NEDD4L: variants seen among roughly 807,000 people sequenced by gnomAD.
NEDD4L encodes E3 ubiquitin-protein ligase NEDD4-like.
A neutral mutation model predicts 148.9 loss-of-function variants in NEDD4L; 54 were observed. That is an observed-to-expected ratio of 0.36 (90% CI 0.29 to 0.45). The LOEUF (loss-of-function observed/expected upper bound fraction) is 0.45, where lower values mean the gene tolerates loss of function less well. Among genes scored for constraint, NEDD4L ranks in the 20% least tolerant of loss-of-function variants. NEDD4L has a pLI of 1.00. For synonymous variants in NEDD4L, 433 were observed against 440.7 expected (o/e 0.98, Z 0.22); for missense variants, 856 against 1,233.8 (o/e 0.69, Z 4.59).
intron 1 of NEDD4L, among the ~76,000 whole-genome samples, chr18:58,136,399 CA>C (rs2032853596): frequency 6.6e-6 from 1 of 152,174 alleles, no homozygotes; most frequent in South Asian, 2.1e-4. Flanking sequence ...GTTTTGTTTT[CA>C]AAGTGCCTTC....
intron 5 of NEDD4L, among the ~76,000 whole-genome samples, chr18:58,262,353 G>T (rs965647206): frequency 2.6e-5 from 4 of 152,182 alleles, no homozygotes; most frequent in Admixed American, 1.3e-4. Context: ...TGCTGGCTGG[G>T]CACGGAGGCT....
At position 58,141,397 on chromosome 18, in the gene NEDD4L, A is replaced by G. The variant is rs1302620794; in HGVS notation, c.49-24391A>G. 2.6e-5 allele frequency among the ~76,000 whole-genome samples: 4 copies of G among 152,358 alleles called. No individual in the cohort carries two copies. In the East Asian group the frequency reaches 7.7e-4, roughly 29 times the overall value. Reference sequence around the variant, plus strand: ...TAAAAAAAGTCATTTTGAGTTACAGAATAAAATCAAACAAAATTCCTTTAA... The same window carrying G: ...TAAAAAAAGTCATTTTGAGTTACAGGATAAAATCAAACAAAATTCCTTTAA... On this transcript the variant is annotated intron_variant, in intron 1 of 30. Coordinates refer to ENST00000400345, the MANE Select transcript of NEDD4L (RefSeq NM_001144967.3).
At chr18:58,097,455 T>G (rs115367567) in intron 1 of NEDD4L, among the ~76,000 whole-genome samples, 1,866 of 152,330 alleles carry the variant, frequency 0.012, 39 homozygotes, top group African/African-American at 0.043. Context: ...CTACTTTTAA[T>G]GAGTGAAGGA....
Position 58,322,490 on chromosome 18 carries a change from A to T in NEDD4L, c.410+4A>T. Reference sequence around the variant, plus strand: ...ACTTTCTCCTCAGACCAAGAAGGTGAGGCTTGTGGGTATGGGTGGGTGGGG... The same window carrying T: ...ACTTTCTCCTCAGACCAAGAAGGTGTGGCTTGTGGGTATGGGTGGGTGGGG... On this transcript the variant is annotated splice_donor_region_variant and intron_variant, in intron 7 of 30. Transcript: ENST00000400345. 2 of 677,192 alleles carry T rather than the reference A, an allele frequency of 3.0e-6. No individual in the cohort carries two copies. Among genetic ancestry groups the T allele is most frequent in the Non-Finnish European group, 5.1e-6 (2 of 395,792 alleles). The allele number at this position is 677,192 out of a possible 1,614,324, so 41.9% of individuals were successfully genotyped here.
intron 5 of NEDD4L, among the ~76,000 whole-genome samples, chr18:58,309,848 G>A (rs2057480919): frequency 6.6e-6 from 1 of 152,038 alleles, no homozygotes; most frequent in Non-Finnish European, 1.5e-5. Flanking sequence ...CTCATCCCCT[G>A]ATGTCACAGC....
intron 1 of NEDD4L, among the ~76,000 whole-genome samples, chr18:58,159,106 AG>A: frequency 1.3e-5 from 2 of 152,100 alleles, no homozygotes; most frequent in Non-Finnish European, 2.9e-5. Flanking sequence ...AGAGAGGGAA[AG>A]GTGTAGCGGG....
Position 58,080,908 on chromosome 18 carries a change from A to G in NEDD4L, c.48+36200A>G, listed in dbSNP as rs143428728. 1.8e-3 allele frequency among the ~76,000 whole-genome samples: 273 copies of G among 152,128 alleles called. 1 individual carries two copies. Among genetic ancestry groups the G allele is most frequent in the African/African-American group, 6.2e-3 (258 of 41,496 alleles). ...CTCTTAAGAAAGCAGTTTCACTGGG[A>G]GTGGGGAGAGGTAGAATTGGGAGGT... On this transcript the variant is annotated intron_variant, in intron 1 of 30. Transcript: ENST00000400345.
intron 2 of NEDD4L, among the ~76,000 whole-genome samples, chr18:58,166,617 C>T (rs1599287761): frequency 6.6e-6 from 1 of 152,198 alleles, no homozygotes; most frequent in East Asian, 1.9e-4. Context: ...AAGCTTGAAT[C>T]CAGAAAGGTT....
At chr18:58,153,482 T>C (rs934828712) in intron 1 of NEDD4L, among the ~76,000 whole-genome samples, 6 of 151,096 alleles carry the variant, frequency 4.0e-5, no homozygotes, top group African/African-American at 1.2e-4. Context: ...TGGGATTACA[T>C]GCATGAGCCA....
In NEDD4L at chr18:58,063,598, C is replaced by T. The variant is rs758527416; in HGVS notation, c.48+18890C>T. Reference sequence around the variant, plus strand: ...TTTTTTTTTTTGAGACAGATTCTCACTCTGTCATCCAGGCTGGAGTGCAGT... The same window carrying T: ...TTTTTTTTTTTGAGACAGATTCTCATTCTGTCATCCAGGCTGGAGTGCAGT... On this transcript the variant is annotated intron_variant, in intron 1 of 30. Coordinates refer to ENST00000400345, the MANE Select transcript of NEDD4L (RefSeq NM_001144967.3). Among the ~76,000 whole-genome samples the T allele has an allele frequency of 2.7e-5, 4 of 145,804 alleles. No individual in the cohort carries two copies. In the South Asian group the frequency reaches 6.6e-4, roughly 24 times the overall value.
At chr18:58,313,002 G>A (rs10164107) in intron 5 of NEDD4L, among the ~76,000 whole-genome samples, 4,244 of 152,174 alleles carry the variant, frequency 0.028, 178 homozygotes, top group African/African-American at 0.096. Context: ...AATCGGTGTA[G>A]TGTCCCTAAC....
In NEDD4L at chr18:58,364,476, C is replaced by T. The variant is rs74455414; in HGVS notation, c.1833+143C>T. The T allele has an allele frequency of 3.3e-4, 192 of 589,212 alleles. No homozygotes were observed. In the African/African-American group the frequency reaches 3.3e-3, roughly 10 times the overall value. 36.5% of individuals were successfully genotyped at this position (589,212 alleles called of 1,614,324 possible). On this transcript the variant is annotated intron_variant, in intron 20 of 30. Coordinates refer to ENST00000400345, the MANE Select transcript of NEDD4L (RefSeq NM_001144967.3). ...CTTTTCTCTCTGCACTTTGATCCTC[C>T]TGGTTCTAAAATCTGAATTTTCTTT...
At chr18:58,388,333 T>C (rs972602648) in intron 27 of NEDD4L, 1 of 152,230 alleles carries the variant, frequency 6.6e-6, no homozygotes, top group African/African-American at 2.4e-5. Flanking sequence ...AGAAATCATA[T>C]ACCTCAAGCC....
At chr18:58,165,685 C>G in intron 1 of NEDD4L, 103 bp from the exon 2 acceptor site, 1 of 1,513,842 alleles carries the variant, frequency 6.6e-7, no homozygotes. Context: ...GTTCTGTATC[C>G]CAATACTGGA....
chr18:58,176,090 C>CA (rs2038104903), intron 2 of NEDD4L, among the ~76,000 whole-genome samples: 1 of 152,094 alleles, frequency 6.6e-6, no homozygotes, highest in Non-Finnish European at 1.5e-5. Context: ...AGTGAGCATG[C>CA]AGGGAATATA....
chr18:58,317,085 T>C (rs151201183), intron 6 of NEDD4L, among the ~76,000 whole-genome samples: 196 of 152,376 alleles, frequency 1.3e-3, no homozygotes, highest in African/African-American at 4.4e-3. Context: ...TAGCAAGTAA[T>C]TTACTCTTAC....
intron 5 of NEDD4L, among the ~76,000 whole-genome samples, chr18:58,290,755 C>T (rs4058295): frequency 7.3e-5 from 11 of 151,454 alleles, no homozygotes; most frequent in African/African-American, 2.4e-4. Flanking sequence ...AGAAACTGTT[C>T]ATTTATGCAG....
At chr18:58,304,893 G>A (rs1280007080) in intron 5 of NEDD4L, among the ~76,000 whole-genome samples, 5 of 152,188 alleles carry the variant, frequency 3.3e-5, no homozygotes, top group Non-Finnish European at 2.9e-5. Context: ...ATTTTGAAAT[G>A]GGATTTGTCT....
intron 1 of NEDD4L, among the ~76,000 whole-genome samples, chr18:58,056,509 C>T (rs927582322): frequency 1.3e-5 from 2 of 152,176 alleles, no homozygotes; most frequent in African/African-American, 4.8e-5. Flanking sequence ...TCTGCTTTCC[C>T]TTCTACAGCC....
Sources: gnomAD v4.1 joint callset for allele counts (sites outside exome capture counted in the v4.1 genomes callset) on GRCh38, gnomAD v4.1.1 for gene constraint, MANE v1.5 for transcripts, NCBI Gene and HGNC (gene_info 2026-07-23, HGNC 2026-07-21) for gene names.